Variants in MEF2C observed in about 807,000 individuals in gnomAD.
MEF2C encodes myocyte enhancer factor 2C.
In MEF2C, 6 loss-of-function variants were observed where a neutral mutation model predicts 50.5. The observed-to-expected ratio is 0.12, with a 90% CI of 0.07 to 0.23. The LOEUF (loss-of-function observed/expected upper bound fraction) is 0.23. Ranked by LOEUF, MEF2C falls within the 10% of genes least tolerant of loss-of-function variation. MEF2C has a pLI of 1.00. For synonymous variants in MEF2C, 183 were observed against 228.0 expected (o/e 0.80, Z 1.78); for missense variants, 276 against 605.0 (o/e 0.46, Z 5.70).
chr5:88,823,029 G>A (rs1170109147), intron 2 of MEF2C, among the ~76,000 whole-genome samples: 1 of 151,902 alleles, frequency 6.6e-6, no homozygotes, highest in Non-Finnish European at 1.5e-5. Flanking sequence ...TGATATACAA[G>A]TCTTTAATGC....
intron 7 of MEF2C, among the ~76,000 whole-genome samples, chr5:88,731,053 C>T (rs187270): frequency 0.49 from 74,318 of 151,948 alleles, 19,457 homozygotes; most frequent in East Asian, 0.58. Flanking sequence ...GGGGATATAA[C>T]CTCTATTTAA....
At chr5:88,787,333 G>A (rs1323755625) in intron 3 of MEF2C, among the ~76,000 whole-genome samples, 1 of 152,002 alleles carries the variant, frequency 6.6e-6, no homozygotes, top group African/African-American at 2.4e-5. Flanking sequence ...TCTTGACTTT[G>A]AAAATAAAAC....
At position 88,719,934 on chromosome 5, in the gene MEF2C, A is replaced by C. The variant is rs544635880; in HGVS notation, c.*2670T>G. ...TAGCCAAGGCTTCTGCTGGTACTTT[A>C]GCTTACTTTATCTTCAGCATTAAAA... On this transcript the variant is annotated 3_prime_UTR_variant, in exon 11 of 11. Coordinates refer to ENST00000504921, the MANE Select transcript of MEF2C (RefSeq NM_002397.5). The C allele has an allele frequency of 2.6e-5, 4 of 152,276 alleles. No individual in the cohort carries two copies. Among genetic ancestry groups the C allele is most frequent in the African/African-American group, 9.6e-5 (4 of 41,570 alleles). 9.4% of individuals were successfully genotyped at this position (152,276 alleles called of 1,614,324 possible). A position where few individuals can be genotyped will look rare whatever the true frequency, so the allele number is the denominator to read the frequency against.
chr5:88,880,764 A>C (rs571754008), intron 1 of MEF2C: 1 of 152,108 alleles, frequency 6.6e-6, no homozygotes, highest in South Asian at 2.1e-4. Context: ...AGTTTCATGG[A>C]GTTATCTAGT....
chr5:88,768,249 G>A (rs1277568215), intron 3 of MEF2C, among the ~76,000 whole-genome samples: 3 of 152,080 alleles, frequency 2.0e-5, no homozygotes. Context: ...ATTCACTTTG[G>A]AGTTTCACCA....
At chr5:88,746,444 T>G in intron 6 of MEF2C, 15 of 833,870 alleles carry the variant, frequency 1.8e-5, no homozygotes, top group Non-Finnish European at 2.1e-5. Flanking sequence ...CCTCTCACTT[T>G]TTTTTTTTTT....
intron 3 of MEF2C, among the ~76,000 whole-genome samples, chr5:88,803,974 T>C (rs1799362730): frequency 1.3e-5 from 2 of 152,290 alleles, no homozygotes; most frequent in Middle Eastern, 3.4e-3. Flanking sequence ...TGAGCTAACA[T>C]TTAGAAATTC....
At chr5:88,734,457 C>T in intron 6 of MEF2C, 1 of 983,178 alleles carries the variant, frequency 1.0e-6, no homozygotes, top group Non-Finnish European at 1.2e-6. Context: ...AGTTATTTTG[C>T]TAAAAGGAAG....
chr5:88,859,839 A>G (rs1252483799), intron 1 of MEF2C, among the ~76,000 whole-genome samples: 2 of 152,234 alleles, frequency 1.3e-5, no homozygotes, highest in Non-Finnish European at 2.9e-5. Flanking sequence ...GAAGTGTTCA[A>G]CAAAAATATA....
chr5:88,778,178 G>T (rs1392878499), intron 3 of MEF2C, among the ~76,000 whole-genome samples: 1 of 152,058 alleles, frequency 6.6e-6, no homozygotes, highest in Non-Finnish European at 1.5e-5. Flanking sequence ...AAAGTGCTGG[G>T]ATTACAAGCG....
At chr5:88,881,025 GA>G (rs375734627) in intron 1 of MEF2C, 4 of 152,018 alleles carry the variant, frequency 2.6e-5, no homozygotes, top group African/African-American at 7.2e-5. Context: ...TAAGAAGTCT[GA>G]AAAAAAGTCA....
chr5:88,844,699 CA>C (rs950619441), intron 1 of MEF2C: 4 of 460,514 alleles, frequency 8.7e-6, no homozygotes, highest in African/African-American at 6.4e-5. Flanking sequence ...ATTCCAAAAA[CA>C]ACTCTTTTCC....
At chr5:88,752,139 A>C in intron 4 of MEF2C, 96 bp from the exon 5 acceptor site, 1 of 1,095,710 alleles carries the variant, frequency 9.1e-7, no homozygotes, top group East Asian at 2.6e-5. Context: ...GAAAAATTCT[A>C]CATTCCAAAC....
intron 3 of MEF2C, among the ~76,000 whole-genome samples, chr5:88,776,899 C>A (rs983222391): frequency 1.3e-5 from 2 of 152,188 alleles, no homozygotes; most frequent in Non-Finnish European, 2.9e-5. Flanking sequence ...CTCAACAAGG[C>A]CAAGTGCATG....
intron 6 of MEF2C, among the ~76,000 whole-genome samples, chr5:88,744,552 CA>C (rs921733694): frequency 9.6e-5 from 14 of 146,014 alleles, no homozygotes; most frequent in Admixed American, 3.4e-4. Context: ...GACTCCGTCT[CA>C]AAAAAAAAAG....
intron 1 of MEF2C, among the ~76,000 whole-genome samples, chr5:88,867,203 T>G (rs576807254): frequency 6.6e-6 from 1 of 152,314 alleles, no homozygotes; most frequent in African/African-American, 2.4e-5. Context: ...AATACAAACA[T>G]GTTTACACAA....
At chr5:88,725,833 C>T (rs1270068291) in intron 10 of MEF2C, among the ~76,000 whole-genome samples, 1 of 152,130 alleles carries the variant, frequency 6.6e-6, no homozygotes, top group Non-Finnish European at 1.5e-5. Flanking sequence ...GTACTGAACA[C>T]CCACATCAAC....
chr5:88,872,950 T>C (rs1829954451), intron 1 of MEF2C, among the ~76,000 whole-genome samples: 1 of 152,006 alleles, frequency 6.6e-6, no homozygotes, highest in Admixed American at 6.6e-5. Context: ...CCAAACTCTT[T>C]ATGCTTGTTT....
At chr5:88,850,205 AGC>A (rs879491209) in intron 1 of MEF2C, among the ~76,000 whole-genome samples, 2 of 152,128 alleles carry the variant, frequency 1.3e-5, no homozygotes, top group Non-Finnish European at 2.9e-5. Flanking sequence ...TTGTCCTCAA[AGC>A]AAAATTTCTT....
Sources: gnomAD v4.1 joint callset for allele counts (sites outside exome capture counted in the v4.1 genomes callset) on GRCh38, gnomAD v4.1.1 for gene constraint, MANE v1.5 for transcripts, NCBI Gene and HGNC (gene_info 2026-07-23, HGNC 2026-07-21) for gene names.